The following GMDS variants were observed in gnomAD, a reference collection of about 807,000 sequenced individuals.
The protein encoded by GMDS is GDP-mannose 4,6 dehydratase.
Under a neutral mutation model 49.9 loss-of-function variants are expected in GMDS, and 20 were observed. The observed-to-expected ratio is 0.40, with a 90% confidence interval of 0.28 to 0.58. The LOEUF (loss-of-function observed/expected upper bound fraction) is 0.58. Ranked by LOEUF, GMDS falls within the 20% of genes least tolerant of loss-of-function variation. The pLI is 0.42. For synonymous variants in GMDS, 177 were observed against 178.6 expected (o/e 0.99, Z 0.07); for missense variants, 362 against 481.4 (o/e 0.75, Z 2.32).
intron 7 of GMDS, among the ~76,000 whole-genome samples, chr6:1,919,597 T>G (rs1434504495): frequency 6.6e-6 from 1 of 152,204 alleles, no homozygotes. Context: ...ATTTATCTGT[T>G]TGGGGCATAT....
intron 4 of GMDS, among the ~76,000 whole-genome samples, chr6:2,060,118 T>G (rs1328449017): frequency 6.6e-6 from 1 of 152,156 alleles, no homozygotes; most frequent in Non-Finnish European, 1.5e-5. Flanking sequence ...AGAAGGGACA[T>G]CAGTGACACA....
intron 7 of GMDS, among the ~76,000 whole-genome samples, chr6:1,774,759 TA>T (rs1195148892): frequency 6.6e-6 from 1 of 152,244 alleles, no homozygotes; most frequent in African/African-American, 2.4e-5. Context: ...TCTGTGGTTA[TA>T]AAGAAGCAAA....
intron 4 of GMDS, among the ~76,000 whole-genome samples, chr6:2,004,641 C>G (rs1469301446): frequency 1.3e-5 from 2 of 152,100 alleles, no homozygotes; most frequent in Admixed American, 6.6e-5. Flanking sequence ...GCCTTCTGAA[C>G]TATCACTGAA....
At chr6:1,882,085 CT>C (rs1325578698) in intron 7 of GMDS, among the ~76,000 whole-genome samples, 1 of 152,142 alleles carries the variant, frequency 6.6e-6, no homozygotes, top group African/African-American at 2.4e-5. Context: ...TTTAGAACTT[CT>C]TTTCTAAATC....
chr6:1,987,343 C>G (rs1554141972), intron 4 of GMDS, among the ~76,000 whole-genome samples: 1 of 152,100 alleles, frequency 6.6e-6, no homozygotes, highest in Non-Finnish European at 1.5e-5. Context: ...AGTTTAAAAT[C>G]TACTGAAAAT....
intron 7 of GMDS, among the ~76,000 whole-genome samples, chr6:1,757,812 G>C (rs1561785529): frequency 6.6e-6 from 1 of 152,166 alleles, no homozygotes; most frequent in Non-Finnish European, 1.5e-5. Flanking sequence ...TATAATGTGA[G>C]CCACACGTAA....
intron 1 of GMDS, among the ~76,000 whole-genome samples, chr6:2,198,004 A>G (rs886219106): frequency 1.3e-4 from 20 of 152,218 alleles, no homozygotes; most frequent in African/African-American, 4.8e-4. Context: ...GAGACACTGT[A>G]CAAAGTAACT....
intron 1 of GMDS, among the ~76,000 whole-genome samples, chr6:2,181,007 A>C (rs916086962): frequency 4.6e-5 from 7 of 152,008 alleles, no homozygotes; most frequent in Non-Finnish European, 1.0e-4. Flanking sequence ...CTCTACTAAA[A>C]ATACAAAAAA....
chr6:2,054,054 A>T (rs1381543231), intron 4 of GMDS, among the ~76,000 whole-genome samples: 1 of 152,182 alleles, frequency 6.6e-6, no homozygotes, highest in African/African-American at 2.4e-5. Flanking sequence ...CATGAAAGAC[A>T]CTAAAGTTAC....
intron 7 of GMDS, among the ~76,000 whole-genome samples, chr6:1,924,092 G>A (rs1761868770): frequency 6.6e-6 from 1 of 152,198 alleles, no homozygotes; most frequent in South Asian, 2.1e-4. Flanking sequence ...GCATAGGTTC[G>A]GCAAGATCTG....
chr6:1,631,495 C>G (rs549548051), intron 9 of GMDS, among the ~76,000 whole-genome samples: 3 of 152,086 alleles, frequency 2.0e-5, no homozygotes, highest in Non-Finnish European at 2.9e-5. Flanking sequence ...TTAGAAATGT[C>G]CCCCCCTCCG....
At chr6:1,883,457 T>C (rs1192627484) in intron 7 of GMDS, among the ~76,000 whole-genome samples, 2 of 152,236 alleles carry the variant, frequency 1.3e-5, no homozygotes, top group Non-Finnish European at 2.9e-5. Context: ...ATCTTTTTTA[T>C]ACATTGATTA....
At chr6:1,820,883 G>A (rs1195548636) in intron 7 of GMDS, among the ~76,000 whole-genome samples, 2 of 152,202 alleles carry the variant, frequency 1.3e-5, no homozygotes, top group African/African-American at 4.8e-5. Flanking sequence ...AGAAATCTCT[G>A]CTCCTGGCCA....
chr6:1,729,335 C>T (rs986773189), intron 8 of GMDS, among the ~76,000 whole-genome samples: 6 of 152,222 alleles, frequency 3.9e-5, no homozygotes, highest in Admixed American at 1.3e-4. Context: ...CCCTGCACGA[C>T]TTTCTTGCCA....
intron 4 of GMDS, among the ~76,000 whole-genome samples, chr6:2,045,614 T>C (rs184691345): frequency 2.6e-5 from 4 of 152,274 alleles, no homozygotes; most frequent in Non-Finnish European, 4.4e-5. Context: ...GTTTTGTTTG[T>C]ATGTTTGCTT....
intron 9 of GMDS, among the ~76,000 whole-genome samples, chr6:1,670,014 G>A (rs777194712): frequency 4.4e-4 from 66 of 151,696 alleles, no homozygotes; most frequent in Non-Finnish European, 6.8e-4. Context: ...GCAGGTGGTC[G>A]GGAGGGGCTG....
rs866894453 is a variant in GMDS, at chr6:2,235,661, A to C, written c.102+9660T>G. 7.9e-5 allele frequency among the ~76,000 whole-genome samples: 12 copies of C among 151,804 alleles called. No homozygotes were observed. The South Asian group carries it at 2.3e-3, about 29-fold the overall frequency. Reference sequence around the variant, plus strand: ...TCTTAACAAAAAAAAAAAATACAAAAATTAGCCAGGCATAGTGGTGCACAT... The same window carrying C: ...TCTTAACAAAAAAAAAAAATACAAACATTAGCCAGGCATAGTGGTGCACAT... On this transcript the variant is annotated intron_variant, in intron 1 of 10. Coordinates refer to ENST00000380815, the MANE Select transcript of GMDS (RefSeq NM_001500.4).
At chr6:1,720,516 A>G (rs1297384444) in intron 9 of GMDS, among the ~76,000 whole-genome samples, 1 of 152,252 alleles carries the variant, frequency 6.6e-6, no homozygotes, top group Non-Finnish European at 1.5e-5. Flanking sequence ...ATAAAATACA[A>G]GCAGTAAGAA....
intron 7 of GMDS, among the ~76,000 whole-genome samples, chr6:1,852,659 C>G (rs1757733649): frequency 6.6e-6 from 1 of 151,244 alleles, no homozygotes; most frequent in Non-Finnish European, 1.5e-5. Flanking sequence ...CTATCCTGAA[C>G]TATTTTTTCT....
Sources: allele counts gnomAD v4.1 joint callset (sites outside exome capture counted in the v4.1 genomes callset), GRCh38; gene constraint gnomAD v4.1.1; transcripts MANE v1.5; gene names NCBI Gene and HGNC (gene_info 2026-07-23, HGNC 2026-07-21).